LATS2: variants seen among roughly 807,000 people sequenced by gnomAD.
The protein encoded by LATS2 is serine/threonine-protein kinase LATS2.
LATS2 carries 24 observed loss-of-function variants against 76.0 expected under a neutral mutation model. That is an observed-to-expected ratio of 0.32 (90% confidence interval 0.23 to 0.44). The LOEUF (loss-of-function observed/expected upper bound fraction) is 0.44. Among genes scored for constraint, LATS2 ranks in the 20% least tolerant of loss-of-function variants. LATS2 has a pLI of 1.00. For missense variants in LATS2, 1,286 were observed against 1,481.2 expected, an observed-to-expected ratio of 0.87 and a Z score of 2.16; for synonymous variants, 692 against 635.4, an observed-to-expected ratio of 1.09 and a Z score of -1.34.
At chr13:20,980,015 A>C (rs1869801231) in intron 6 of LATS2, among the ~76,000 whole-genome samples, 1 of 152,214 alleles carries the variant, frequency 6.6e-6, no homozygotes, top group Admixed American at 6.5e-5. Context: ...ATTTTTAATC[A>C]TTGTAATAAG....
chr13:20,994,998 A>G (rs1345184182), intron 2 of LATS2, among the ~76,000 whole-genome samples: 1 of 152,182 alleles, frequency 6.6e-6, no homozygotes, highest in African/African-American at 2.4e-5. Context: ...TAGGGAGGCC[A>G]CACACCTAGG....
intron 2 of LATS2, among the ~76,000 whole-genome samples, chr13:21,017,712 G>A (rs983114262): frequency 2.0e-5 from 3 of 151,188 alleles, no homozygotes; most frequent in African/African-American, 7.3e-5. Context: ...TGCAACCTCC[G>A]TCTCCGGGGT....
rs762957882 is a variant in LATS2 at position 20,988,839 on chromosome 13, G to A, written c.941C>T (p.Pro314Leu). ...FPPPAAGLYVPHPHHKQAGPA... is the reference protein window; with the variant it reads ...FPPPAAGLYVLHPHHKQAGPA... ...ACCGGCCTGCTTGTGGTGTGGGTGC[G>A]GCACGTAGAGCCCGGCGGCAGGGGG... The change falls in exon 4 of 8, where the codon CCG (proline) becomes CTG (leucine). Residue 314 changes from proline to leucine, a missense_variant. By Grantham distance (98) the Pro-to-Leu change is moderately conservative. Around this residue, in one of 5 missense-constraint regions of LATS2, gnomAD observed 710 missense variants for 660.9 expected, o/e 1.07. Transcript: ENST00000382592. 6.3e-7 allele frequency: 1 copy of A among 1,595,080 alleles called. No individual in the cohort carries two copies. The highest frequency in any genetic ancestry group is 8.5e-7 in the Non-Finnish European group (1 of 1,176,540).
In LATS2 at chr13:20,984,154, G is replaced by C. The variant is rs191778698; in HGVS notation, c.1900-348C>G. On this transcript the variant is annotated intron_variant, in intron 4 of 7. Coordinates refer to ENST00000382592, the MANE Select transcript of LATS2 (RefSeq NM_014572.3). ...TCATCATGTTGGCCAGGCTGGTCTT[G>C]AACTCCTGACCTCAGGTGATCTGCC... is the stretch of plus-strand genomic sequence containing the variant. Among the ~76,000 whole-genome samples, 472 of 152,302 alleles carry C rather than the reference G, an allele frequency of 3.1e-3. 2 individuals carry two copies. The highest frequency in any genetic ancestry group is 0.024 in the Middle Eastern group (7 of 294).
chr13:20,990,357 C>T (rs570082697), intron 3 of LATS2, among the ~76,000 whole-genome samples: 7 of 140,554 alleles, frequency 5.0e-5, no homozygotes, highest in African/African-American at 1.6e-4. Flanking sequence ...GTCCTTTTAA[C>T]AATGGAGATA....
At chr13:20,987,402 C>T (rs138261592) in intron 4 of LATS2, among the ~76,000 whole-genome samples, 1 of 152,184 alleles carries the variant, frequency 6.6e-6, no homozygotes, top group East Asian at 1.9e-4. Flanking sequence ...TCAGTGTCAA[C>T]TAAGGTATAT....
At chr13:21,037,395 T>TC (rs1872717538) in intron 2 of LATS2, among the ~76,000 whole-genome samples, 2 of 152,294 alleles carry the variant, frequency 1.3e-5, no homozygotes, top group East Asian at 1.9e-4. Flanking sequence ...ACAGCAAGAC[T>TC]CCATCTCAAA....
intron 6 of LATS2, among the ~76,000 whole-genome samples, chr13:20,980,682 C>A (rs555584783): frequency 6.6e-6 from 1 of 152,226 alleles, no homozygotes; most frequent in Admixed American, 6.5e-5. Flanking sequence ...TTATTCACAA[C>A]CTCTCAAGGT....
chr13:20,979,739 C>G lies in LATS2; in HGVS notation c.2724G>C (p.Val908=), dbSNP rs1335147070. The G allele has an allele frequency of 6.2e-7, 1 of 1,612,874 alleles. No homozygotes were observed. Among genetic ancestry groups the G allele is most frequent in the African/African-American group, 1.3e-5 (1 of 74,872 alleles). The change falls in exon 7 of 8, where the codon GTG becomes GTC. Residue 908 remains valine, a synonymous_variant. Transcript: ENST00000382592. ...SVGVILFEML[V]GQPPFLAPTP... is the part of the protein sequence containing the mutation. Reference sequence around the variant, plus strand: ...TAGGTGCCAAAAAGGGCGGCTGCCCCACCAGCATCTCGAAGAGAATCACTC... The same window carrying G: ...TAGGTGCCAAAAAGGGCGGCTGCCCGACCAGCATCTCGAAGAGAATCACTC...
intron 7 of LATS2, among the ~76,000 whole-genome samples, chr13:20,978,918 T>G (rs1869747602): frequency 6.6e-6 from 1 of 152,106 alleles, no homozygotes; most frequent in African/African-American, 2.4e-5. Flanking sequence ...CACACCACCA[T>G]GATGGACTAA....
rs1156775857 is a variant in LATS2, at chr13:20,988,907, C to T, written c.873G>A (p.Thr291=). The change falls in exon 4 of 8, where the codon ACG becomes ACA. Residue 291 remains threonine, a synonymous_variant. Transcript: ENST00000382592. ...CGCCTGGCGGTCCTCCCTGGCCCTT[C>T]GTGGGCAGGCTGGCGTAACCCCCGG... ...PETGGYASLP[T]KGQGGPPGAG... The T allele has an allele frequency of 3.9e-6, 6 of 1,529,256 alleles. No homozygotes were observed. Among genetic ancestry groups the T allele is most frequent in the East Asian group, 2.4e-5 (1 of 41,422 alleles). The allele number at this position is 1,529,256 out of a possible 1,614,324, so 94.7% of individuals were successfully genotyped here. A position where few individuals can be genotyped will look rare whatever the true frequency, so the allele number is the denominator to read the frequency against.
rs746751970 is a variant in LATS2 at position 20,988,300 on chromosome 13, G to A, written c.1480C>T (p.Leu494=). Residue 494 remains leucine (L), a synonymous_variant, in exon 4 of 8, where the codon CTG becomes TTG. Transcript: ENST00000382592. The stretch of plus-strand genomic sequence containing the variant: ...AGCGGGAAGGCGCCTGCGCCGCCCA[G>A]CGCCAGGGCATGCTCCTCCTTGGCG... ...LDAKEEHALA[L]GGAGAFPLDV... 1.3e-6 allele frequency: 2 copies of A among 1,571,684 alleles called. No individual in the cohort carries two copies. The highest frequency in any genetic ancestry group is 1.1e-5 in the South Asian group (1 of 87,888).
At chr13:21,051,836 G>T (rs1263205912) in intron 1 of LATS2, among the ~76,000 whole-genome samples, 1 of 151,712 alleles carries the variant, frequency 6.6e-6, no homozygotes, top group Non-Finnish European at 1.5e-5. Context: ...GCACACCTAT[G>T]GTCCCAGCTA....
rs765160402 is a variant in LATS2, at chr13:20,975,005, C to T, written c.3132G>A (p.Arg1044=). 1.2e-6 allele frequency: 2 copies of T among 1,614,230 alleles called. No individual in the cohort carries two copies. Among genetic ancestry groups the T allele is most frequent in the Middle Eastern group, 1.6e-4 (1 of 6,062 alleles). ...AGGGGTAGCCATTGTCATCAAAGAA[C>T]CTTCGGAAGGTGAATTCGTAAAATG... ...EHAFYEFTFR[R]FFDDNGYPFR... is the part of the protein sequence containing the mutation. Residue 1044 remains arginine (R), a synonymous_variant, in exon 8 of 8, where the codon AGG becomes AGA. Coordinates refer to ENST00000382592, the MANE Select transcript of LATS2 (RefSeq NM_014572.3).
intron 2 of LATS2, among the ~76,000 whole-genome samples, chr13:21,033,707 C>G (rs1240953048): frequency 2.0e-5 from 3 of 149,072 alleles, no homozygotes; most frequent in Non-Finnish European, 4.4e-5. Flanking sequence ...CCAAATGCCA[C>G]TAGCTTTACA....
chr13:21,060,868 G>A (rs971109474), intron 1 of LATS2, among the ~76,000 whole-genome samples: 16 of 151,410 alleles, frequency 1.1e-4, no homozygotes, highest in Non-Finnish European at 4.4e-5. Flanking sequence ...GGGGTCCCGA[G>A]GCTGTCAGGG....
At chr13:20,990,204 AG>A (rs1870444906) in intron 3 of LATS2, among the ~76,000 whole-genome samples, 1 of 152,180 alleles carries the variant, frequency 6.6e-6, no homozygotes, top group Non-Finnish European at 1.5e-5. Flanking sequence ...GCAAGTGCAG[AG>A]GGAAATCAGC....
chr13:20,973,582 CT>C lies in LATS2; in HGVS notation c.*1287del, dbSNP rs1869438374. On this transcript the variant is annotated 3_prime_UTR_variant, in exon 8 of 8. Transcript: ENST00000382592. Reference sequence around the variant, plus strand: ...CTTCTAAGAAAATACGTATGGCTTACTTTTTATTTCAATGTCATTTTGAAGA... The same window carrying C: ...CTTCTAAGAAAATACGTATGGCTTACTTTTATTTCAATGTCATTTTGAAGA... 2 of 232,068 alleles carry C rather than the reference CT, an allele frequency of 8.6e-6. No individual in the cohort carries two copies. The highest frequency in any genetic ancestry group is 3.6e-4 in the South Asian group (2 of 5,524). The allele number at this position is 232,068 out of a possible 1,614,324, so 14.4% of individuals were successfully genotyped here. A position where few individuals can be genotyped will look rare whatever the true frequency, so the allele number is the denominator to read the frequency against.
Position 21,023,663 on chromosome 13 carries a change from AAAAAAAAAAAAAAAAAAAAAC to A in LATS2, c.342+22001_342+22021del, listed in dbSNP as rs1301332851. On this transcript the variant is annotated intron_variant, in intron 2 of 7. Transcript: ENST00000382592. ...ACTGGCTTTAAAAAAAAAAAAAAAA[AAAAAAAAAAAAAAAAAAAAAC>A]AAACCTCGGCCGGGCGCAGTGGCTG... Among the ~76,000 whole-genome samples, 8 of 43,566 alleles carry A rather than the reference AAAAAAAAAAAAAAAAAAAAAC, an allele frequency of 1.8e-4. 1 individual carries two copies. The highest frequency in any genetic ancestry group is 2.4e-4 in the African/African-American group (5 of 21,246). 28.6% of individuals were successfully genotyped at this position (43,566 alleles called of 152,430 possible). A position where few individuals can be genotyped will look rare whatever the true frequency, so the allele number is the denominator to read the frequency against.
Sources: allele counts gnomAD v4.1 joint callset (sites outside exome capture counted in the v4.1 genomes callset), GRCh38; gene constraint gnomAD v4.1.1; regional missense constraint gnomAD v4.1.1; transcripts MANE v1.5; gene names NCBI Gene and HGNC (gene_info 2026-07-23, HGNC 2026-07-21).